GPC6: variants seen among roughly 807,000 people sequenced by gnomAD.
The protein encoded by GPC6 is glypican-6.
In GPC6, 14 loss-of-function variants were observed where a neutral mutation model predicts 55.2. The observed-to-expected ratio is 0.25, with a 90% confidence interval of 0.17 to 0.40. The LOEUF (loss-of-function observed/expected upper bound fraction) is 0.40, where lower values mean the gene tolerates loss of function less well. GPC6 is among the 10% of genes least tolerant of loss of function. The probability of loss-of-function intolerance (pLI) is 1.00; values close to 1 mark genes in which losing one functional copy is unlikely to be tolerated. For missense variants in GPC6, 641 were observed against 708.5 expected (o/e 0.90, Z 1.08); for synonymous variants, 278 against 259.6 (o/e 1.07, Z -0.68).
intron 4 of GPC6, among the ~76,000 whole-genome samples, chr13:94,219,007 G>A (rs1411031532): frequency 6.6e-6 from 1 of 152,018 alleles, no homozygotes; most frequent in Non-Finnish European, 1.5e-5. Context: ...ATATGATATA[G>A]ATGATAAATA....
At position 93,786,114 on chromosome 13, in the gene GPC6, C is replaced by T. The variant is rs181158930; in HGVS notation, c.320-44040C>T. ...CTCCTTGGTCAGTGTGGACGCCAAA[C>T]ACTCAGATGTTATTTTCAAAACCAT... is the stretch of plus-strand genomic sequence containing the variant. On this transcript the variant is annotated intron_variant, in intron 2 of 8. Transcript: ENST00000377047. Among the ~76,000 whole-genome samples the T allele has an allele frequency of 2.0e-5, 3 of 152,240 alleles. No individual in the cohort carries two copies. The East Asian group carries it at 5.8e-4, about 29-fold the overall frequency.
At chr13:93,422,778 T>TA (rs1876968453) in intron 1 of GPC6, among the ~76,000 whole-genome samples, 1 of 152,162 alleles carries the variant, frequency 6.6e-6, no homozygotes, top group South Asian at 2.1e-4. Context: ...AAAATATAGC[T>TA]AAAATTTTTT....
At chr13:93,480,590 C>G (rs182456279) in intron 1 of GPC6, among the ~76,000 whole-genome samples, 10 of 152,222 alleles carry the variant, frequency 6.6e-5, no homozygotes, top group Non-Finnish European at 1.3e-4. Context: ...TCACCACTCT[C>G]GATTTCTTGA....
intron 2 of GPC6, among the ~76,000 whole-genome samples, chr13:93,605,612 A>G (rs917502511): frequency 5.3e-5 from 8 of 152,052 alleles, no homozygotes; most frequent in African/African-American, 1.9e-4. Context: ...CAAGGCAGGC[A>G]AATCACCTAA....
intron 3 of GPC6, among the ~76,000 whole-genome samples, chr13:94,020,527 C>T (rs1466493094): frequency 1.3e-5 from 2 of 152,064 alleles, no homozygotes; most frequent in Non-Finnish European, 2.9e-5. Flanking sequence ...TTGCTCTTTT[C>T]TTCAGTGGCG....
intron 3 of GPC6, among the ~76,000 whole-genome samples, chr13:93,997,547 T>G (rs1257900149): frequency 6.6e-6 from 1 of 151,396 alleles, no homozygotes; most frequent in Non-Finnish European, 1.5e-5. Flanking sequence ...CCTCTTTTCT[T>G]GTCCATTATC....
intron 3 of GPC6, among the ~76,000 whole-genome samples, chr13:93,891,890 G>A (rs2140318674): frequency 6.6e-6 from 1 of 151,898 alleles, no homozygotes; most frequent in African/African-American, 2.4e-5. Flanking sequence ...TGTATATTGT[G>A]TGTATAGTGT....
At position 93,357,124 on chromosome 13, in the gene GPC6, C is replaced by T. The variant is rs79766236; in HGVS notation, c.160+129508C>T. Among the ~76,000 whole-genome samples, 505 of 152,300 alleles carry T rather than the reference C, an allele frequency of 3.3e-3. 5 individuals carry two copies. The highest frequency in any genetic ancestry group is 0.012 in the African/African-American group (489 of 41,558). On this transcript the variant is annotated intron_variant, in intron 1 of 8. Transcript: ENST00000377047. ...TAATGTGATGACTGTAAAATCAAGA[C>T]AGGTCATTCCATTTCCCTCAAGCAG...
intron 1 of GPC6, among the ~76,000 whole-genome samples, chr13:93,338,695 C>T (rs558451529): frequency 5.1e-4 from 77 of 152,288 alleles, no homozygotes; most frequent in African/African-American, 1.6e-3. Flanking sequence ...TCCTTAATCA[C>T]CATCATTAGT....
intron 4 of GPC6, among the ~76,000 whole-genome samples, chr13:94,130,128 A>G (rs566794079): frequency 2.0e-5 from 3 of 152,296 alleles, no homozygotes; most frequent in South Asian, 4.1e-4. Flanking sequence ...TTTGAGTACT[A>G]TAAATAAAAC....
At chr13:94,313,714 A>T (rs1876373779) in intron 6 of GPC6, among the ~76,000 whole-genome samples, 1 of 152,244 alleles carries the variant, frequency 6.6e-6, no homozygotes, top group South Asian at 2.1e-4. Flanking sequence ...TGTGAGTTAT[A>T]TTAAATCATA....
At position 93,839,424 on chromosome 13, in the gene GPC6, G is replaced by A. The variant is rs141138111; in HGVS notation, c.711+8879G>A. On this transcript the variant is annotated intron_variant, in intron 3 of 8. Transcript: ENST00000377047. ...CATGGTGAGGCTCCTATGTGTGAGC[G>A]GCATATTAGTTGTACTCAATAGGAT... 4.3e-3 allele frequency among the ~76,000 whole-genome samples: 648 copies of A among 152,190 alleles called. 14 individuals are homozygous for A. The highest frequency in any genetic ancestry group is 6.6e-3 in the South Asian group (32 of 4,818).
intron 1 of GPC6, among the ~76,000 whole-genome samples, chr13:93,486,786 A>C (rs1484452577): frequency 6.6e-6 from 1 of 152,100 alleles, no homozygotes; most frequent in African/African-American, 2.4e-5. Context: ...CTCTACTAAA[A>C]ATACAAAAAT....
intron 3 of GPC6, among the ~76,000 whole-genome samples, chr13:93,990,722 A>T (rs1169591481): frequency 6.6e-6 from 1 of 151,304 alleles, no homozygotes; most frequent in Non-Finnish European, 1.5e-5. Flanking sequence ...TTAATTAGCC[A>T]AGCATGATGG....
chr13:93,409,286 A>G (rs1032794503), intron 1 of GPC6, among the ~76,000 whole-genome samples: 4 of 152,084 alleles, frequency 2.6e-5, no homozygotes, highest in African/African-American at 9.7e-5. Context: ...AAAGTATATA[A>G]CATTCTTATT....
At chr13:94,228,318 A>G (rs900616342) in intron 4 of GPC6, among the ~76,000 whole-genome samples, 4 of 152,112 alleles carry the variant, frequency 2.6e-5, no homozygotes, top group Non-Finnish European at 1.5e-5. Context: ...GACACTGGAA[A>G]TGTGCTTTAT....
intron 1 of GPC6, among the ~76,000 whole-genome samples, chr13:93,330,657 T>TG (rs796768130): frequency 3.9e-4 from 60 of 152,322 alleles, no homozygotes; most frequent in African/African-American, 1.3e-3. Flanking sequence ...TTTTCTCACT[T>TG]GCGTACCCCA....
At chr13:93,488,090 G>C (rs955418405) in intron 1 of GPC6, among the ~76,000 whole-genome samples, 1 of 152,104 alleles carries the variant, frequency 6.6e-6, no homozygotes, top group Non-Finnish European at 1.5e-5. Context: ...ATTTACATTA[G>C]GTATATCGCC....
intron 2 of GPC6, among the ~76,000 whole-genome samples, chr13:93,787,111 C>T (rs368657780): frequency 3.3e-5 from 5 of 152,184 alleles, no homozygotes; most frequent in Admixed American, 2.6e-4. Flanking sequence ...TTTAACAGTT[C>T]CACTATCTCG....
Sources: gnomAD v4.1 joint callset for allele counts (sites outside exome capture counted in the v4.1 genomes callset) on GRCh38, gnomAD v4.1.1 for gene constraint, MANE v1.5 for transcripts, NCBI Gene and HGNC (gene_info 2026-07-23, HGNC 2026-07-21) for gene names.